TOR1B: variants seen among roughly 807,000 people sequenced by gnomAD.
TOR1B encodes the protein torsin family 1 member B.
TOR1B carries 14 observed loss-of-function variants against 29.2 expected under a neutral mutation model. The ratio of observed to expected loss-of-function variants is 0.48; its 90% confidence interval spans 0.32 to 0.75. The LOEUF is 0.75. TOR1B is among the 30% of genes least tolerant of loss of function. The pLI is 0.04. For synonymous variants in TOR1B, 166 were observed against 179.8 expected (o/e 0.92, Z 0.62); for missense variants, 400 against 433.9 (o/e 0.92, Z 0.69).
Position 129,807,132 on chromosome 9 carries a change from C to T in TOR1B, c.466-56C>T, listed in dbSNP as rs1158513076. 1.9e-5 allele frequency: 30 copies of T among 1,583,088 alleles called. No homozygotes were observed. The Middle Eastern group carries it at 6.8e-4, about 36-fold the overall frequency. Reference sequence around the variant, plus strand: ...TGAGGAGCAGATGGAGCCTGCGCGCCTCTTGGTGCACCCTTTGAGCTTCGC... The same window carrying T: ...TGAGGAGCAGATGGAGCCTGCGCGCTTCTTGGTGCACCCTTTGAGCTTCGC... On this transcript the variant is annotated intron_variant, in intron 2 of 4. Transcript: ENST00000259339.
intron 3 of TOR1B, among the ~76,000 whole-genome samples, chr9:129,808,474 G>T: frequency 6.6e-6 from 1 of 151,712 alleles, no homozygotes; most frequent in Middle Eastern, 3.2e-3. Context: ...ACTCCAGCCT[G>T]CGTGACAGAG....
Position 129,807,275 on chromosome 9 carries a change from G to A in TOR1B, c.553G>A (p.Gly185Arg), listed in dbSNP as rs779819414. The A allele has an allele frequency of 8.1e-6, 13 of 1,614,004 alleles. No homozygotes were observed. Among genetic ancestry groups the A allele is most frequent in the African/African-American group, 5.3e-5 (4 of 74,902 alleles). Residue 185 changes from glycine (G) to arginine (R), a missense_variant, in exon 3 of 5, where the codon GGG becomes AGG. By Grantham distance (125) the Gly-to-Arg change is moderately radical. Coordinates refer to ENST00000259339, the MANE Select transcript of TOR1B (RefSeq NM_014506.3). ...IFDEMDKLHP[G>R]IIDAIKPFLD... ...TGACGAGATGGATAAATTGCACCCC[G>A]GGATCATTGACGCAATCAAGCCGTT...
At position 129,806,891 on chromosome 9, in the gene TOR1B, CAAAA is replaced by C. The variant is rs1011137233; in HGVS notation, c.466-294_466-291del. Among the ~76,000 whole-genome samples, 88 of 151,860 alleles carry C rather than the reference CAAAA, an allele frequency of 5.8e-4. 1 individual carries two copies. The highest frequency in any genetic ancestry group is 1.9e-3 in the African/African-American group (78 of 41,422). Reference sequence around the variant, plus strand: ...TAGAGTGAGACCCTGTTTCCAAAGACAAAAAAGAGAAGAAAAGAATCACGGATCT... The same window carrying C: ...TAGAGTGAGACCCTGTTTCCAAAGACAAGAGAAGAAAAGAATCACGGATCT... On this transcript the variant is annotated intron_variant, in intron 2 of 4. Transcript: ENST00000259339.
Position 129,810,590 on chromosome 9 carries a change from T to G in TOR1B, c.*1007T>G, listed in dbSNP as rs1032724685. 6.4e-6 allele frequency: 2 copies of G among 313,830 alleles called. No individual in the cohort carries two copies. Among genetic ancestry groups the G allele is most frequent in the Non-Finnish European group, 1.0e-5 (2 of 196,742 alleles). The allele number at this position is 313,830 out of a possible 1,614,324, so 19.4% of individuals were successfully genotyped here. A position where few individuals can be genotyped will look rare whatever the true frequency, so the allele number is the denominator to read the frequency against. On this transcript the variant is annotated 3_prime_UTR_variant, in exon 5 of 5. Transcript: ENST00000259339. The stretch of plus-strand genomic sequence containing the variant: ...GACCGTTGGCTTTGAATTTGAGTCG[T>G]TGGTTCCCATGGTGAGATGCTTGTT...
chr9:129,809,483 TCACAAGAGTGG>T lies in TOR1B; in HGVS notation c.914_924del (p.Thr305ArgfsTer71), dbSNP rs1280996476. The T allele has an allele frequency of 6.2e-7, 1 of 1,614,046 alleles. No homozygotes were observed. The highest frequency in any genetic ancestry group is 1.3e-5 in the African/African-American group (1 of 74,910). ...GGTTCTGCCATAGATGAAGACATTGTCACAAGAGTGGCAGAGGAAATGACGTTTTTCCCCAG... is the reference window on the plus strand; with the variant it reads ...GGTTCTGCCATAGATGAAGACATTGTCAGAGGAAATGACGTTTTTCCCCAG... On this transcript the variant is annotated frameshift_variant, in exon 5 of 5. Transcript: ENST00000259339. LOFTEE classifies it high-confidence loss of function.
Position 129,804,330 on chromosome 9 carries a change from C to T in TOR1B, c.457C>T (p.Leu153=), listed in dbSNP as rs141921728. 2 of 1,611,152 alleles carry T rather than the reference C, an allele frequency of 1.2e-6. No homozygotes were observed. The highest frequency in any genetic ancestry group is 1.3e-5 in the African/African-American group (1 of 75,008). The change falls in exon 2 of 5, where the codon CTG becomes TTG. Residue 153 remains leucine (L), a synonymous_variant. Transcript: ENST00000259339. ...CTTCCCTCATGAGCAGAAGATAAAA[C>T]TGTACCAGGCAAGAGAACCCGCTAT... ...LHFPHEQKIK[L]YQDQLQKWIR... is the part of the protein sequence containing the mutation.
In TOR1B at chr9:129,810,335, CTGTG is replaced by C. The variant is rs3217180; in HGVS notation, c.*765_*768del. The C allele has an allele frequency of 1.7e-6, 2 of 1,183,860 alleles. No individual in the cohort carries two copies. Among genetic ancestry groups the C allele is most frequent in the Admixed American group, 2.7e-5 (1 of 37,270 alleles). The allele number at this position is 1,183,860 out of a possible 1,614,324, so 73.3% of individuals were successfully genotyped here. A position where few individuals can be genotyped will look rare whatever the true frequency, so the allele number is the denominator to read the frequency against. ...CCGAGCACTCTTGATCTGAGCTGAC[CTGTG>C]TGTGTGTGTGTGGGGGGGTGGGGCC... is the stretch of plus-strand genomic sequence containing the variant. On this transcript the variant is annotated 3_prime_UTR_variant, in exon 5 of 5. Coordinates refer to ENST00000259339, the MANE Select transcript of TOR1B (RefSeq NM_014506.3).
intron 4 of TOR1B, 63 bp from the exon 5 acceptor site, chr9:129,809,279 C>G: frequency 2.5e-6 from 4 of 1,606,424 alleles, no homozygotes; most frequent in Admixed American, 1.7e-5. Context: ...TGCTGAGGGT[C>G]GGGACTGGAG....
rs1235368753 is a variant in TOR1B at position 129,803,256 on chromosome 9, T to C, written c.44T>C (p.Leu15Pro). ...CTCCGGGGCGCGGCGGCGCTGGCGC[T>C]GCTGCTGGCGGCCCGAGTGGTGGCG... ...GWLRGAAALA[L>P]LLAARVVAAF... is the part of the protein sequence containing the mutation. The change falls in exon 1 of 5, where the codon CTG becomes CCG. Residue 15 changes from leucine to proline, a missense_variant. Physicochemically the swap from Leu to Pro is moderately conservative, Grantham distance 98. Transcript: ENST00000259339. The C allele has an allele frequency of 3.2e-6, 5 of 1,555,622 alleles. No individual in the cohort carries two copies. In the Admixed American group the frequency reaches 9.3e-5, roughly 29 times the overall value.
rs34869382 is a variant in TOR1B, at chr9:129,805,139, G to GAA, written c.465+816_465+817dup. On this transcript the variant is annotated intron_variant, in intron 2 of 4. Coordinates refer to ENST00000259339, the MANE Select transcript of TOR1B (RefSeq NM_014506.3). ...GGCGACACAGTGAGACTCTGTCTCA[G>GAA]AAAAAAAAAAAAAAAAGAGAGATGT... Among the ~76,000 whole-genome samples, 667 of 105,470 alleles carry GAA rather than the reference G, an allele frequency of 6.3e-3. 6 individuals are homozygous for GAA. The highest frequency in any genetic ancestry group is 0.018 in the East Asian group (66 of 3,612). 69.2% of individuals were successfully genotyped at this position (105,470 alleles called of 152,430 possible). A position where few individuals can be genotyped will look rare whatever the true frequency, so the allele number is the denominator to read the frequency against.
chr9:129,810,503 T>C lies in TOR1B; in HGVS notation c.*920T>C. 2.1e-5 allele frequency: 22 copies of C among 1,046,932 alleles called. No homozygotes were observed. The highest frequency in any genetic ancestry group is 2.5e-5 in the Non-Finnish European group (21 of 830,736). The allele number at this position is 1,046,932 out of a possible 1,614,324, so 64.9% of individuals were successfully genotyped here. On this transcript the variant is annotated 3_prime_UTR_variant, in exon 5 of 5. Transcript: ENST00000259339. ...CAGCCCCAGCCTGCCTTGTGCCATATCTCAGCTTGGATCTCTGCTAGAGTC... is the reference window on the plus strand; with the variant it reads ...CAGCCCCAGCCTGCCTTGTGCCATACCTCAGCTTGGATCTCTGCTAGAGTC...
In TOR1B at chr9:129,803,239, C is replaced by T. The variant is rs772218416; in HGVS notation, c.27C>T (p.Gly9=). 5.2e-6 allele frequency: 8 copies of T among 1,538,680 alleles called. No homozygotes were observed. In the Admixed American group the frequency reaches 5.8e-5, roughly 11 times the overall value. MLRAGWLR[G]AAALALLLAA... is the part of the protein sequence containing the mutation. ...TGTTGCGGGCTGGGTGGCTCCGGGGCGCGGCGGCGCTGGCGCTGCTGCTGG... is the reference window on the plus strand; with the variant it reads ...TGTTGCGGGCTGGGTGGCTCCGGGGTGCGGCGGCGCTGGCGCTGCTGCTGG... Residue 9 remains glycine, a synonymous_variant, in exon 1 of 5, where the codon GGC becomes GGT. Transcript: ENST00000259339.
In TOR1B at chr9:129,804,114, C is replaced by A; in HGVS notation, c.241C>A (p.Leu81Ile). 4.3e-6 allele frequency: 7 copies of A among 1,614,194 alleles called. No individual in the cohort carries two copies. The highest frequency in any genetic ancestry group is 5.9e-6 in the Non-Finnish European group (7 of 1,180,032). Residue 81 changes from leucine to isoleucine, a missense_variant, in exon 2 of 5, where the codon CTA becomes ATA. Leu to Ile is a conservative substitution (Grantham distance 5). Coordinates refer to ENST00000259339, the MANE Select transcript of TOR1B (RefSeq NM_014506.3). ...DLEEKLFGQH[L>I]ATEVIFKALT... ...GGAGGAGAAGCTGTTTGGACAGCAT[C>A]TAGCCACGGAAGTGATTTTCAAGGC...
chr9:129,803,515 G>T (rs2030290140), intron 1 of TOR1B, 104 bp downstream of exon 1: 6 of 1,193,500 alleles, frequency 5.0e-6, no homozygotes, highest in Non-Finnish European at 6.3e-6. Context: ...CGGGCCCGTG[G>T]CATCTAGACG....
rs760845600 is a variant in TOR1B at position 129,809,880 on chromosome 9, T to C, written c.*297T>C. 1 of 1,280,378 alleles carries C rather than the reference T, an allele frequency of 7.8e-7. No homozygotes were observed. Among genetic ancestry groups the C allele is most frequent in the Non-Finnish European group, 1.0e-6 (1 of 1,002,966 alleles). The allele number at this position is 1,280,378 out of a possible 1,614,324, so 79.3% of individuals were successfully genotyped here. A position where few individuals can be genotyped will look rare whatever the true frequency, so the allele number is the denominator to read the frequency against. ...CTGTGCCCAGCTGGGATATAGAATC[T>C]AAGAGTTGATTGTGGAAAACACGTG... is the stretch of plus-strand genomic sequence containing the variant. On this transcript the variant is annotated 3_prime_UTR_variant, in exon 5 of 5. Coordinates refer to ENST00000259339, the MANE Select transcript of TOR1B (RefSeq NM_014506.3).
At position 129,810,586 on chromosome 9, in the gene TOR1B, G is replaced by A. The variant is rs1285150127; in HGVS notation, c.*1003G>A. On this transcript the variant is annotated 3_prime_UTR_variant, in exon 5 of 5. Coordinates refer to ENST00000259339, the MANE Select transcript of TOR1B (RefSeq NM_014506.3). ...ATGAGACCGTTGGCTTTGAATTTGA[G>A]TCGTTGGTTCCCATGGTGAGATGCT... 2.9e-6 allele frequency: 1 copy of A among 346,250 alleles called. No homozygotes were observed. Among genetic ancestry groups the A allele is most frequent in the African/African-American group, 2.2e-5 (1 of 46,340 alleles). 21.4% of individuals were successfully genotyped at this position (346,250 alleles called of 1,614,324 possible).
At position 129,803,245 on chromosome 9, in the gene TOR1B, G is replaced by T. The variant is rs1215523247; in HGVS notation, c.33G>T (p.Ala11=). MLRAGWLRGA[A]ALALLLAARV... Reference sequence around the variant, plus strand: ...GGGCTGGGTGGCTCCGGGGCGCGGCGGCGCTGGCGCTGCTGCTGGCGGCCC... The same window carrying T: ...GGGCTGGGTGGCTCCGGGGCGCGGCTGCGCTGGCGCTGCTGCTGGCGGCCC... Residue 11 remains alanine (A), a synonymous_variant, in exon 1 of 5, where the codon GCG becomes GCT. Coordinates refer to ENST00000259339, the MANE Select transcript of TOR1B (RefSeq NM_014506.3). The T allele has an allele frequency of 1.3e-6, 2 of 1,544,858 alleles. No individual in the cohort carries two copies. The highest frequency in any genetic ancestry group is 1.7e-6 in the Non-Finnish European group (2 of 1,152,816).
chr9:129,808,841 C>T, intron 3 of TOR1B, 64 bp from the exon 4 acceptor site: 1 of 1,594,528 alleles, frequency 6.3e-7, no homozygotes, highest in Non-Finnish European at 8.6e-7. Flanking sequence ...CATGAGCCAC[C>T]ACACCCAGCA....
chr9:129,807,324 A>G lies in TOR1B; in HGVS notation c.602A>G (p.Asp201Gly), dbSNP rs2030549440. The G allele has an allele frequency of 6.2e-7, 1 of 1,614,058 alleles. No individual in the cohort carries two copies. Among genetic ancestry groups the G allele is most frequent in the Admixed American group, 1.7e-5 (1 of 60,008 alleles). Residue 201 changes from aspartate to glycine, a missense_variant, in exon 3 of 5, where the codon GAC becomes GGC. Coordinates refer to ENST00000259339, the MANE Select transcript of TOR1B (RefSeq NM_014506.3). ...TTTCTAGACTACTACGAGCAGGTTGACGGAGTGTCTTACCGCAAAGCCATC... is the reference window on the plus strand; with the variant it reads ...TTTCTAGACTACTACGAGCAGGTTGGCGGAGTGTCTTACCGCAAAGCCATC... ...KPFLDYYEQV[D>G]GVSYRKAIFI... is the part of the protein sequence containing the mutation.
Sources: allele counts gnomAD v4.1 joint callset (sites outside exome capture counted in the v4.1 genomes callset), GRCh38; gene constraint gnomAD v4.1.1; transcripts MANE v1.5; gene names NCBI Gene and HGNC (gene_info 2026-07-23, HGNC 2026-07-21).